The following CCDC141 variants were observed in gnomAD, a reference collection of about 807,000 sequenced individuals.
CCDC141 encodes the protein coiled-coil domain containing 141, also known as coiled-coil domain-containing protein 141.
CCDC141 carries 168 observed loss-of-function variants against 181.0 expected under a neutral mutation model. The ratio of observed to expected loss-of-function variants is 0.93; its 90% CI spans 0.82 to 1.05. The LOEUF (loss-of-function observed/expected upper bound fraction) is 1.05, where lower values mean the gene tolerates loss of function less well. Among genes scored for constraint, CCDC141 ranks in the 50% least tolerant of loss-of-function variants. The pLI, the probability that CCDC141 is intolerant of heterozygous loss-of-function variation, is 0.00. For synonymous variants in CCDC141, 666 were observed against 642.3 expected (o/e 1.04, Z -0.56); for missense variants, 1,902 against 1,788.5 (o/e 1.06, Z -1.14).
intron 2 of CCDC141, among the ~76,000 whole-genome samples, chr2:179,012,240 G>T (rs1339188667): frequency 6.6e-6 from 1 of 152,028 alleles, no homozygotes; most frequent in Non-Finnish European, 1.5e-5. Context: ...GATTAACCAA[G>T]AAAAGAAGAG....
At chr2:178,870,163 C>T (rs1193644647) in intron 14 of CCDC141, among the ~76,000 whole-genome samples, 3 of 130,764 alleles carry the variant, frequency 2.3e-5, no homozygotes, top group Non-Finnish European at 3.1e-5. Flanking sequence ...ACCTGGGAGG[C>T]GGAGGCTGCA....
intron 5 of CCDC141, among the ~76,000 whole-genome samples, chr2:178,950,410 G>T (rs1575256897): frequency 6.6e-6 from 1 of 152,204 alleles, no homozygotes; most frequent in South Asian, 2.1e-4. Flanking sequence ...ATGAGCTCTG[G>T]ACTTAACTAG....
rs751223419 is a variant in CCDC141 at position 178,871,479 on chromosome 2, T to G, written c.2153A>C (p.Gln718Pro). The G allele has an allele frequency of 6.2e-7, 1 of 1,613,950 alleles. No homozygotes were observed. Among genetic ancestry groups the G allele is most frequent in the Non-Finnish European group, 8.5e-7 (1 of 1,179,946 alleles). The change falls in exon 14 of 24, where the codon CAG (glutamine) becomes CCG (proline). Residue 718 changes from glutamine (Q) to proline (P), a missense_variant. Physicochemically the swap from Gln to Pro is moderately conservative, Grantham distance 76. Transcript: ENST00000443758. ...VSALDLGGSLQFILDLRQKWN... is the reference protein window; with the variant it reads ...VSALDLGGSLPFILDLRQKWN... ...TTTTTGTCGTAGATCTAAAATGAAC[T>G]GGAGGCTCCCTCCGAGGTCAAGTGC...
chr2:178,827,437 T>TATTCTCC (rs1444812700), downstream of CCDC141, among the ~76,000 whole-genome samples: 4 of 152,190 alleles, frequency 2.6e-5, 1 homozygote, highest in East Asian at 7.7e-4. Flanking sequence ...TGAACTTCTC[T>TATTCTCC]ATTCTCCTTC....
the CCDC141 span, among the ~76,000 whole-genome samples, chr2:178,822,946 T>C: frequency 6.6e-6 from 1 of 152,218 alleles, no homozygotes; most frequent in Admixed American, 6.5e-5. Flanking sequence ...GCACTGTATA[T>C]GGAGTCTGTT....
At chr2:179,041,062 T>C (rs952123785) in intron 2 of CCDC141, among the ~76,000 whole-genome samples, 6 of 124,740 alleles carry the variant, frequency 4.8e-5, no homozygotes, top group Admixed American at 2.4e-4. Context: ...GCTGTTGTTT[T>C]GTTTGTTTGT....
chr2:179,033,808 A>G (rs187518215), intron 2 of CCDC141, among the ~76,000 whole-genome samples: 18 of 152,336 alleles, frequency 1.2e-4, no homozygotes, highest in African/African-American at 4.3e-4. Context: ...TATGATTTCA[A>G]AAATGCTAGC....
chr2:178,890,181 T>C (rs534121224), intron 8 of CCDC141, among the ~76,000 whole-genome samples: 2 of 152,180 alleles, frequency 1.3e-5, no homozygotes, highest in Admixed American at 6.5e-5. Context: ...AGAAGAAACA[T>C]AGCTGAAAAT....
chr2:178,857,301 C>T (rs1373711721), intron 17 of CCDC141, among the ~76,000 whole-genome samples: 2 of 152,096 alleles, frequency 1.3e-5, no homozygotes, highest in African/African-American at 4.8e-5. Context: ...AGAGAAGACC[C>T]AATATGAGAT....
intron 6 of CCDC141, among the ~76,000 whole-genome samples, chr2:178,923,898 G>T (rs1307053346): frequency 1.3e-5 from 2 of 152,178 alleles, no homozygotes; most frequent in East Asian, 1.9e-4. Flanking sequence ...AGGCGAAAAA[G>T]ATTTCTTCTT....
chr2:178,845,879 C>T (rs916792334), intron 21 of CCDC141, 137 bp from the exon 22 acceptor site: 2 of 659,562 alleles, frequency 3.0e-6, no homozygotes, highest in Non-Finnish European at 2.7e-6. Context: ...GGTGTACTCC[C>T]ATGATGTGAT....
intron 4 of CCDC141, among the ~76,000 whole-genome samples, chr2:178,965,354 G>A (rs1690577820): frequency 6.6e-6 from 1 of 152,190 alleles, no homozygotes; most frequent in Non-Finnish European, 1.5e-5. Flanking sequence ...AATAGGAACA[G>A]CTCGGGTCTG....
At chr2:179,027,902 C>T (rs915384157) in intron 2 of CCDC141, among the ~76,000 whole-genome samples, 4 of 152,054 alleles carry the variant, frequency 2.6e-5, no homozygotes, top group Admixed American at 2.6e-4. Context: ...CAAAATTAGC[C>T]CTGGTGTTTG....
intron 17 of CCDC141, among the ~76,000 whole-genome samples, chr2:178,864,222 G>C (rs766661627): frequency 8.5e-5 from 13 of 152,114 alleles, no homozygotes; most frequent in Non-Finnish European, 1.8e-4. Flanking sequence ...GAGAAGGAGG[G>C]AAAACGGGAA....
At chr2:178,848,245 T>C (rs1259649122) in intron 21 of CCDC141, among the ~76,000 whole-genome samples, 1 of 152,142 alleles carries the variant, frequency 6.6e-6, no homozygotes, top group Non-Finnish European at 1.5e-5. Context: ...GGGAGCATAG[T>C]AGATCAGTGG....
intron 11 of CCDC141, among the ~76,000 whole-genome samples, chr2:178,881,262 G>A (rs1368764163): frequency 6.6e-6 from 1 of 152,136 alleles, no homozygotes; most frequent in Non-Finnish European, 1.5e-5. Context: ...CTGGGGGTGG[G>A]AGCCAGGACT....
chr2:178,909,405 A>G (rs537689945), intron 7 of CCDC141, among the ~76,000 whole-genome samples: 1 of 152,306 alleles, frequency 6.6e-6, no homozygotes. Flanking sequence ...AGCTCAACAA[A>G]TACATTTGTA....
chr2:178,993,800 G>C (rs1692162836), intron 2 of CCDC141, among the ~76,000 whole-genome samples: 1 of 152,022 alleles, frequency 6.6e-6, no homozygotes, highest in African/African-American at 2.4e-5. Context: ...ACAGGCATTG[G>C]GTTAAATACA....
chr2:178,871,051 C>T (rs528231061), intron 14 of CCDC141, among the ~76,000 whole-genome samples: 1 of 152,158 alleles, frequency 6.6e-6, no homozygotes, highest in African/African-American at 2.4e-5. Flanking sequence ...GGCAGCAGAG[C>T]CTCTGGGTCC....
Sources: allele counts gnomAD v4.1 joint callset (sites outside exome capture counted in the v4.1 genomes callset), GRCh38; gene constraint gnomAD v4.1.1; transcripts MANE v1.5; gene names NCBI Gene and HGNC (gene_info 2026-07-23, HGNC 2026-07-21).